ACOXL: variants seen among roughly 807,000 people sequenced by gnomAD.
ACOXL encodes the protein acyl-coenzyme A oxidase-like protein.
Under a neutral mutation model 71.9 loss-of-function variants are expected in ACOXL, and 70 were observed. The ratio of observed to expected loss-of-function variants is 0.97; its 90% CI spans 0.80 to 1.19. The LOEUF (loss-of-function observed/expected upper bound fraction) is 1.19, where lower values mean the gene tolerates loss of function less well. ACOXL is among the 50% of genes most tolerant of loss of function. The pLI, the probability that ACOXL is intolerant of heterozygous loss-of-function variation, is 0.00. For missense variants in ACOXL, 703 were observed against 736.3 expected (o/e 0.95, Z 0.52); for synonymous variants, 253 against 281.6 (o/e 0.90, Z 1.02).
chr2:111,049,248 A>C lies in ACOXL; in HGVS notation c.1400A>C (p.Lys467Thr). 2 of 1,612,906 alleles carry C rather than the reference A, an allele frequency of 1.2e-6. No individual in the cohort carries two copies. The highest frequency in any genetic ancestry group is 2.7e-5 in the African/African-American group (2 of 75,012). The change falls in exon 16 of 18, where the codon AAG becomes ACG. Residue 467 changes from lysine to threonine, a missense_variant. Lys to Thr is a moderately conservative substitution (Grantham distance 78). Transcript: ENST00000439055. ...TTAGAGCAGTTCTCCCTAGCAGTGA[A>C]GAGCTGTCCTGACCAAGAGGACCAG... Reference protein sequence around the residue: ...VTLEQFSLAVKSCPDQEDQTL... With the variant: ...VTLEQFSLAVTSCPDQEDQTL...
intron 7 of ACOXL, among the ~76,000 whole-genome samples, chr2:110,799,836 G>GT (rs1685738442): frequency 6.6e-6 from 1 of 152,164 alleles, no homozygotes. Flanking sequence ...TCAGTGCTGT[G>GT]TAACTAGCAA....
chr2:110,960,451 CCCT>C (rs1297715858), intron 12 of ACOXL, among the ~76,000 whole-genome samples: 1 of 152,096 alleles, frequency 6.6e-6, no homozygotes, highest in Non-Finnish European at 1.5e-5. Flanking sequence ...GCAGTCGTGG[CCCT>C]CCTCCTCTCA....
chr2:110,800,705 A>G (rs1007938926), intron 7 of ACOXL, among the ~76,000 whole-genome samples: 3 of 152,144 alleles, frequency 2.0e-5, no homozygotes, highest in Admixed American at 6.5e-5. Context: ...GGGACAGTCC[A>G]TCCTGGCCCC....
intron 14 of ACOXL, among the ~76,000 whole-genome samples, chr2:111,030,336 T>C (rs2065206322): frequency 6.6e-6 from 1 of 152,176 alleles, no homozygotes; most frequent in Admixed American, 6.5e-5. Flanking sequence ...GCCACACCCT[T>C]TCAGTTGTAA....
At chr2:110,981,826 C>A (rs1042247735) in intron 12 of ACOXL, among the ~76,000 whole-genome samples, 1 of 152,062 alleles carries the variant, frequency 6.6e-6, no homozygotes, top group Non-Finnish European at 1.5e-5. Flanking sequence ...ACTGGAAGAC[C>A]CCGAGGGACG....
chr2:110,909,034 G>A lies in ACOXL; in HGVS notation c.905+129G>A, dbSNP rs78730737. The A allele has an allele frequency of 4.9e-3, 3,281 of 669,986 alleles. 93 individuals carry two copies. The African/African-American group carries it at 0.055, about 11-fold the overall frequency. The allele number at this position is 669,986 out of a possible 1,614,324, so 41.5% of individuals were successfully genotyped here. On this transcript the variant is annotated intron_variant, in intron 11 of 17. Coordinates refer to ENST00000439055, the MANE Select transcript of ACOXL (RefSeq NM_001142807.4). ...CAGGAAAGAGTCTGTTGTTAAAATC[G>A]GATGCCCAGGTTAAAAGCATCCTTG...
intron 9 of ACOXL, among the ~76,000 whole-genome samples, chr2:110,831,773 C>G (rs1689857604): frequency 6.6e-6 from 1 of 152,032 alleles, no homozygotes; most frequent in East Asian, 1.9e-4. Flanking sequence ...GAAATAGAAC[C>G]AAACCAATTG....
intron 2 of ACOXL, among the ~76,000 whole-genome samples, chr2:110,775,299 G>T (rs1682499212): frequency 6.6e-6 from 1 of 152,072 alleles, no homozygotes; most frequent in Non-Finnish European, 1.5e-5. Flanking sequence ...ACAGGCTTTT[G>T]AAAAACGTAG....
At chr2:110,765,332 A>T (rs1259677699) in intron 1 of ACOXL, among the ~76,000 whole-genome samples, 1 of 152,184 alleles carries the variant, frequency 6.6e-6, no homozygotes, top group Non-Finnish European at 1.5e-5. Flanking sequence ...TTTACCAAGT[A>T]GGGGAAGTTT....
intron 2 of ACOXL, among the ~76,000 whole-genome samples, chr2:110,777,306 A>C (rs1682778705): frequency 6.6e-6 from 1 of 152,218 alleles, no homozygotes; most frequent in Non-Finnish European, 1.5e-5. Flanking sequence ...AGGAGACTGG[A>C]GAGAAGTGGC....
chr2:110,799,036 TGTCCGGGATGAAAACG>T lies in ACOXL; in HGVS notation c.485_500del (p.Val162GlufsTer12). The T allele has an allele frequency of 1.2e-6, 2 of 1,613,970 alleles. No individual in the cohort carries two copies. The highest frequency in any genetic ancestry group is 1.7e-6 in the Non-Finnish European group (2 of 1,179,918). On this transcript the variant is annotated frameshift_variant, in exon 7 of 18. Transcript: ENST00000439055. LOFTEE classifies it high-confidence loss of function. ...TAGGGCCCCACTGTTTCATCGTTCCTGTCCGGGATGAAAACGGAAGCTTGTACCCAGGAGTCACAGC... is the reference window on the plus strand; with the variant it reads ...TAGGGCCCCACTGTTTCATCGTTCCTGAAGCTTGTACCCAGGAGTCACAGC...
chr2:111,099,249 G>A (rs1229372106), intron 17 of ACOXL: 1 of 152,194 alleles, frequency 6.6e-6, no homozygotes, highest in Non-Finnish European at 1.5e-5. Flanking sequence ...GTTGGGTTGA[G>A]GTTTATTTTT....
intron 1 of ACOXL, among the ~76,000 whole-genome samples, chr2:110,735,947 C>G (rs1676780966): frequency 2.0e-5 from 3 of 151,614 alleles, no homozygotes; most frequent in African/African-American, 7.3e-5. Flanking sequence ...ACTGAGAAAG[C>G]CCCCCCATAG....
At chr2:111,020,150 G>A (rs922945784) in intron 14 of ACOXL, among the ~76,000 whole-genome samples, 2 of 152,144 alleles carry the variant, frequency 1.3e-5, no homozygotes, top group African/African-American at 2.4e-5. Context: ...ATGAGCCACC[G>A]TGCCTGGTGA....
intron 10 of ACOXL, among the ~76,000 whole-genome samples, chr2:110,844,168 T>C (rs1455150853): frequency 6.6e-6 from 1 of 152,206 alleles, no homozygotes; most frequent in Admixed American, 6.5e-5. Flanking sequence ...TCACAAAATA[T>C]GAATGTCTGA....
chr2:111,115,421 C>T (rs935965014), intron 17 of ACOXL: 2 of 152,066 alleles, frequency 1.3e-5, no homozygotes, highest in African/African-American at 4.8e-5. Flanking sequence ...TTTAAAACGC[C>T]TCAACAGCTT....
intron 9 of ACOXL, among the ~76,000 whole-genome samples, chr2:110,838,625 C>G (rs1461780509): frequency 6.6e-6 from 1 of 152,310 alleles, no homozygotes; most frequent in Middle Eastern, 3.4e-3. Flanking sequence ...CATATGGAAG[C>G]TTCTTACACA....
rs143978292 is a variant in ACOXL, at chr2:111,040,344, T to C, written c.1369+8630T>C. 2.8e-3 allele frequency among the ~76,000 whole-genome samples: 431 copies of C among 152,312 alleles called. 3 individuals are homozygous for C. Among genetic ancestry groups the C allele is most frequent in the African/African-American group, 9.8e-3 (407 of 41,576 alleles). ...CATCTCTCAGCCTCCTACTGCTGCA[T>C]GAAAAATAAACCTTGTAACTATGGA... is the stretch of plus-strand genomic sequence containing the variant. On this transcript the variant is annotated intron_variant, in intron 15 of 17. Coordinates refer to ENST00000439055, the MANE Select transcript of ACOXL (RefSeq NM_001142807.4).
At chr2:110,737,209 C>T (rs1336561890) in intron 1 of ACOXL, among the ~76,000 whole-genome samples, 1 of 151,646 alleles carries the variant, frequency 6.6e-6, no homozygotes, top group African/African-American at 2.4e-5. Flanking sequence ...ACAGCCATGC[C>T]CTCCCTCAAC....
Sources: allele counts gnomAD v4.1 joint callset (sites outside exome capture counted in the v4.1 genomes callset), GRCh38; gene constraint gnomAD v4.1.1; transcripts MANE v1.5; gene names NCBI Gene and HGNC (gene_info 2026-07-23, HGNC 2026-07-21).